The following HMGCLL1 variants were observed in gnomAD, a reference collection of about 807,000 sequenced individuals.
The protein encoded by HMGCLL1 is 3-hydroxy-3-methylglutaryl-CoA lyase like 1.
HMGCLL1 carries 36 observed loss-of-function variants against 39.1 expected under a neutral mutation model. That is an observed-to-expected ratio of 0.92 (90% CI 0.71 to 1.22). The LOEUF (loss-of-function observed/expected upper bound fraction) is 1.22. Among genes scored for constraint, HMGCLL1 ranks in the 50% most tolerant of loss-of-function variants. The pLI, the probability that HMGCLL1 is intolerant of heterozygous loss-of-function variation, is 0.00. For missense variants in HMGCLL1, 451 were observed against 416.5 expected (o/e 1.08, Z -0.72); for synonymous variants, 149 against 144.0 (o/e 1.03, Z -0.25).
At chr6:55,472,966 A>G (rs933386107) in intron 7 of HMGCLL1, among the ~76,000 whole-genome samples, 2 of 151,374 alleles carry the variant, frequency 1.3e-5, no homozygotes, top group Non-Finnish European at 3.0e-5. Context: ...TTCTTCTTGG[A>G]TAATGTATTT....
At chr6:55,542,815 A>G (rs1407289559) in intron 1 of HMGCLL1, among the ~76,000 whole-genome samples, 3 of 132,982 alleles carry the variant, frequency 2.3e-5, no homozygotes, top group African/African-American at 8.1e-5. Flanking sequence ...TATATATATT[A>G]CATATATATG....
chr6:55,520,697 A>AT (rs1306061030), intron 3 of HMGCLL1, among the ~76,000 whole-genome samples: 1 of 152,070 alleles, frequency 6.6e-6, no homozygotes, highest in African/African-American at 2.4e-5. Flanking sequence ...ATTCATTTAC[A>AT]TTACTGTTTT....
At chr6:55,542,239 C>T (rs2127457175) in intron 1 of HMGCLL1, 99 bp from the exon 2 acceptor site, 1 of 638,950 alleles carries the variant, frequency 1.6e-6, no homozygotes, top group Non-Finnish European at 2.7e-6. Context: ...TACTCTTACC[C>T]CAGAGAATTA....
At chr6:55,641,851 T>C in the HMGCLL1 span, among the ~76,000 whole-genome samples, 2 of 147,208 alleles carry the variant, frequency 1.4e-5, no homozygotes, top group Non-Finnish European at 3.0e-5. Context: ...TCCCTCATAA[T>C]TTTCTTTTTT....
chr6:55,631,684 T>C, the HMGCLL1 span, among the ~76,000 whole-genome samples: 1 of 152,164 alleles, frequency 6.6e-6, no homozygotes, highest in Non-Finnish European at 1.5e-5. Context: ...TACTATGTAA[T>C]CAATTAATTA....
At chr6:55,675,797 A>T in the HMGCLL1 span, among the ~76,000 whole-genome samples, 6 of 152,142 alleles carry the variant, frequency 3.9e-5, no homozygotes, top group African/African-American at 1.4e-4. Context: ...TAAAATGTGA[A>T]TGTTTGATGT....
the HMGCLL1 span, among the ~76,000 whole-genome samples, chr6:55,647,193 AT>A: frequency 1.8e-4 from 28 of 151,898 alleles, no homozygotes; most frequent in African/African-American, 6.3e-4. Context: ...CTTGAAATCT[AT>A]TTTGTGAGGC....
chr6:55,608,139 T>C, the HMGCLL1 span, among the ~76,000 whole-genome samples: 1 of 152,186 alleles, frequency 6.6e-6, no homozygotes, highest in Non-Finnish European at 1.5e-5. Flanking sequence ...TCTTATATAG[T>C]TTATCCCACT....
chr6:55,502,721 T>C (rs1208284291), intron 5 of HMGCLL1, among the ~76,000 whole-genome samples: 1 of 151,486 alleles, frequency 6.6e-6, no homozygotes, highest in South Asian at 2.1e-4. Context: ...TGGTTTTTTT[T>C]TTTTTGCTTG....
chr6:55,439,175 T>C (rs1350185518), intron 8 of HMGCLL1, among the ~76,000 whole-genome samples: 1 of 152,014 alleles, frequency 6.6e-6, no homozygotes, highest in Non-Finnish European at 1.5e-5. Flanking sequence ...AATCAGATAA[T>C]ACATGAAAAA....
chr6:55,576,494 C>T (rs563117435), intron 1 of HMGCLL1, among the ~76,000 whole-genome samples: 8 of 152,220 alleles, frequency 5.3e-5, no homozygotes, highest in East Asian at 3.9e-4. Flanking sequence ...TGGAAATTCA[C>T]GGATGGTTTT....
Position 55,525,146 on chromosome 6 carries a change from A to G in HMGCLL1, c.298-8543T>C, listed in dbSNP as rs143603208. Among the ~76,000 whole-genome samples, 1,288 of 151,878 alleles carry G rather than the reference A, an allele frequency of 8.5e-3. 6 individuals carry two copies. The highest frequency in any genetic ancestry group is 0.014 in the Non-Finnish European group (917 of 67,862). On this transcript the variant is annotated intron_variant, in intron 3 of 8. Transcript: ENST00000274901. Reference sequence around the variant, plus strand: ...TAGCATAAATCTTTCCCTTACTTCAATCCACAGACTTGGTCTATGCTGGTC... The same window carrying G: ...TAGCATAAATCTTTCCCTTACTTCAGTCCACAGACTTGGTCTATGCTGGTC...
At chr6:55,660,293 T>C in the HMGCLL1 span, among the ~76,000 whole-genome samples, 1 of 151,926 alleles carries the variant, frequency 6.6e-6, no homozygotes, top group South Asian at 2.1e-4. Context: ...CAGGGTTTTT[T>C]TGTGCAGATT....
chr6:55,628,144 C>CTA, the HMGCLL1 span, among the ~76,000 whole-genome samples: 13 of 25,216 alleles, frequency 5.2e-4, 1 homozygote, highest in African/African-American at 2.8e-3. Flanking sequence ...AGTATATATA[C>CTA]TATATATATA....
chr6:55,601,089 T>A, the HMGCLL1 span, among the ~76,000 whole-genome samples: 1 of 152,192 alleles, frequency 6.6e-6, no homozygotes, highest in Non-Finnish European at 1.5e-5. Flanking sequence ...CTGGGCATCC[T>A]GAATTTTACT....
At chr6:55,442,685 T>C (rs1156756816) in intron 7 of HMGCLL1, among the ~76,000 whole-genome samples, 2 of 152,214 alleles carry the variant, frequency 1.3e-5, no homozygotes, top group Non-Finnish European at 2.9e-5. Flanking sequence ...AGAAGGTCTC[T>C]ATTGCTTTCT....
chr6:55,650,874 C>G, the HMGCLL1 span, among the ~76,000 whole-genome samples: 1 of 151,866 alleles, frequency 6.6e-6, no homozygotes, highest in African/African-American at 2.4e-5. Context: ...TACTTAAAGC[C>G]CAAAGGCTCT....
At chr6:55,516,711 T>G in intron 3 of HMGCLL1, 108 bp from the exon 4 acceptor site, 1 of 585,870 alleles carries the variant, frequency 1.7e-6, no homozygotes, top group Middle Eastern at 3.4e-4. Flanking sequence ...AGTCTTTAAA[T>G]TAATATCTGA....
chr6:55,533,823 T>G (rs535984051), intron 3 of HMGCLL1, among the ~76,000 whole-genome samples: 52 of 138,344 alleles, frequency 3.8e-4, no homozygotes, highest in Non-Finnish European at 6.1e-5. Context: ...GAGGCGGAGC[T>G]TGCAGTGAGC....
Sources: gnomAD v4.1 joint callset for allele counts (sites outside exome capture counted in the v4.1 genomes callset) on GRCh38, gnomAD v4.1.1 for gene constraint, MANE v1.5 for transcripts, NCBI Gene and HGNC (gene_info 2026-07-23, HGNC 2026-07-21) for gene names.